ILKAP: variants seen among roughly 807,000 people sequenced by gnomAD.
ILKAP encodes the protein integrin-linked kinase-associated serine/threonine phosphatase 2C.
In ILKAP, 11 loss-of-function variants were observed where a neutral mutation model predicts 49.1. That is an observed-to-expected ratio of 0.22 (90% CI 0.14 to 0.37). The LOEUF (loss-of-function observed/expected upper bound fraction) is 0.37. ILKAP is among the 10% of genes least tolerant of loss of function. ILKAP has a pLI of 1.00. For missense variants in ILKAP, 363 were observed against 510.8 expected, an observed-to-expected ratio of 0.71 and a Z score of 2.79; for synonymous variants, 186 against 192.8, an observed-to-expected ratio of 0.96 and a Z score of 0.29.
chr2:238,172,967 G>A (rs1574777255), intron 10 of ILKAP, among the ~76,000 whole-genome samples: 1 of 152,170 alleles, frequency 6.6e-6, no homozygotes, highest in Non-Finnish European at 1.5e-5. Context: ...CAGCCAGCAC[G>A]GTGCCGTACC....
At chr2:238,194,964 C>A in intron 1 of ILKAP, 94 bp from the exon 2 acceptor site, 2 of 940,570 alleles carry the variant, frequency 2.1e-6, no homozygotes, top group South Asian at 1.5e-5. Context: ...TGCTTTGACA[C>A]AAGTTTGCTA....
rs1693722893 is a variant in ILKAP, at chr2:238,182,196, T to C, written c.715-10A>G. ...AACGACACAAGATTGCCTGGGAAGA[T>C]GGAGATTGTAATAGTCATGAAATTC... On this transcript the variant is annotated splice_polypyrimidine_tract_variant and intron_variant, in intron 8 of 11. Coordinates refer to ENST00000254654, the MANE Select transcript of ILKAP (RefSeq NM_030768.3). 5 of 1,612,846 alleles carry C rather than the reference T, an allele frequency of 3.1e-6. No individual in the cohort carries two copies. The highest frequency in any genetic ancestry group is 2.7e-5 in the African/African-American group (2 of 74,874).
At chr2:238,180,998 A>G (rs1261623039) in intron 9 of ILKAP, among the ~76,000 whole-genome samples, 1 of 152,244 alleles carries the variant, frequency 6.6e-6, no homozygotes, top group Non-Finnish European at 1.5e-5. Context: ...GCACTGCTTG[A>G]GGCCTGAAAC....
intron 9 of ILKAP, among the ~76,000 whole-genome samples, chr2:238,180,184 G>GAAAGAA (rs71043111): frequency 0.16 from 23,481 of 150,008 alleles, 2,193 homozygotes; most frequent in East Asian, 0.35. Context: ...AAAAAAGAAA[G>GAAAGAA]AAAGAAAAAG....
Position 238,194,293 on chromosome 2 carries a change from C to T in ILKAP, c.160G>A (p.Ala54Thr), listed in dbSNP as rs749799391. The T allele has an allele frequency of 6.8e-6, 11 of 1,613,850 alleles. No individual in the cohort carries two copies. Among genetic ancestry groups the T allele is most frequent in the African/African-American group, 1.3e-5 (1 of 74,900 alleles). Residue 54 changes from alanine (A) to threonine (T), a missense_variant, in exon 3 of 12, where the codon GCT becomes ACT. Physicochemically the swap from Ala to Thr is moderately conservative, Grantham distance 58 (BLOSUM62 0). This residue lies in a region of ILKAP where 114 missense variants were observed against 116.0 expected (regional missense o/e 0.98). Coordinates refer to ENST00000254654, the MANE Select transcript of ILKAP (RefSeq NM_030768.3). ...CACTTACCTGAATCGCCACTGCTAGCGGGTGGGAGATCATCAAAAAGCAAA... is the reference window on the plus strand; with the variant it reads ...CACTTACCTGAATCGCCACTGCTAGTGGGTGGGAGATCATCAAAAAGCAAA... ...GPLLFDDLPPASSGDSGSLAT... is the reference protein window; with the variant it reads ...GPLLFDDLPPTSSGDSGSLAT...
At chr2:238,175,047 A>G (rs1344051708) in intron 9 of ILKAP, among the ~76,000 whole-genome samples, 2 of 152,236 alleles carry the variant, frequency 1.3e-5, no homozygotes, top group Admixed American at 1.3e-4. Flanking sequence ...AACACAGTAC[A>G]GACAATGTGA....
Position 238,198,237 on chromosome 2 carries a change from AT to A in ILKAP, c.56-3368del, listed in dbSNP as rs914367045. 4.6e-3 allele frequency among the ~76,000 whole-genome samples: 670 copies of A among 146,858 alleles called. 10 individuals are homozygous for A. The highest frequency in any genetic ancestry group is 0.013 in the African/African-American group (538 of 40,286). On this transcript the variant is annotated intron_variant, in intron 1 of 11. Transcript: ENST00000254654. ...AACTACTGATTAGTCAAAACCTTAG[AT>A]TTTTTTTTTTTTAAATTGAGACAAG...
At chr2:238,174,463 A>C (rs996669675) in intron 9 of ILKAP, among the ~76,000 whole-genome samples, 1 of 152,188 alleles carries the variant, frequency 6.6e-6, no homozygotes, top group Non-Finnish European at 1.5e-5. Context: ...CGTGTGAGAG[A>C]GCACTCCGCA....
chr2:238,199,142 A>G (rs11692757), intron 1 of ILKAP, among the ~76,000 whole-genome samples: 115,738 of 152,056 alleles, frequency 0.76, 44,160 homozygotes, highest in Middle Eastern at 0.87. Context: ...CAACACACCC[A>G]AGTCTAATTC....
chr2:238,191,943 C>T (rs34700572), intron 3 of ILKAP, among the ~76,000 whole-genome samples: 2 of 150,172 alleles, frequency 1.3e-5, no homozygotes, highest in Non-Finnish European at 3.0e-5. Context: ...CCAGGCGCAG[C>T]GGCTCATGCC....
At chr2:238,189,210 C>T (rs200375713) in intron 4 of ILKAP, among the ~76,000 whole-genome samples, 17 of 151,948 alleles carry the variant, frequency 1.1e-4, no homozygotes, top group Non-Finnish European at 1.9e-4. Flanking sequence ...CCCAGCTACT[C>T]GGGAGGCTGA....
rs766328034 is a variant in ILKAP at position 238,173,662 on chromosome 2, A to G, written c.837-9T>C. 2 of 1,612,884 alleles carry G rather than the reference A, an allele frequency of 1.2e-6. No individual in the cohort carries two copies. Among genetic ancestry groups the G allele is most frequent in the East Asian group, 4.5e-5 (2 of 44,866 alleles). ...CCAAAACACGCCCATCCCTAAAATG[A>G]GAGGAAAAACATTTCAGACTCTACC... On this transcript the variant is annotated splice_polypyrimidine_tract_variant and intron_variant, in intron 9 of 11. Transcript: ENST00000254654.
chr2:238,197,462 G>A (rs1394401420), intron 1 of ILKAP, among the ~76,000 whole-genome samples: 4 of 152,114 alleles, frequency 2.6e-5, no homozygotes, highest in African/African-American at 4.8e-5. Context: ...CAACCCTTCC[G>A]CTTGTACCAG....
rs547814132 is a variant in ILKAP, at chr2:238,171,775, C to CT, written c.957-752dup. ...ACATCCTTGGGCACACACTGCACAG[C>CT]TTGGGGCTGCATCCAAGACCGAGGC... On this transcript the variant is annotated intron_variant, in intron 10 of 11. Coordinates refer to ENST00000254654, the MANE Select transcript of ILKAP (RefSeq NM_030768.3). Among the ~76,000 whole-genome samples, 10 of 152,258 alleles carry CT rather than the reference C, an allele frequency of 6.6e-5. No individual in the cohort carries two copies. The East Asian group carries it at 1.7e-3, about 26-fold the overall frequency.
At chr2:238,191,789 C>T (rs949212589) in intron 3 of ILKAP, among the ~76,000 whole-genome samples, 100 of 152,062 alleles carry the variant, frequency 6.6e-4, no homozygotes, top group African/African-American at 2.2e-3. Flanking sequence ...CCTGTAATCC[C>T]AGCTACTCGG....
At chr2:238,192,482 G>A (rs1361044613) in intron 3 of ILKAP, among the ~76,000 whole-genome samples, 5 of 151,710 alleles carry the variant, frequency 3.3e-5, no homozygotes, top group South Asian at 2.1e-4. Flanking sequence ...GGCGGATCAC[G>A]AAGTCAGGAG....
intron 1 of ILKAP, among the ~76,000 whole-genome samples, chr2:238,197,137 G>C (rs752655513): frequency 1.3e-5 from 2 of 152,162 alleles, no homozygotes. Context: ...CGGAGGTTGC[G>C]GTGAGCTGAG....
intron 1 of ILKAP, among the ~76,000 whole-genome samples, chr2:238,199,197 A>T (rs1694469489): frequency 1.3e-5 from 2 of 152,218 alleles, no homozygotes; most frequent in Non-Finnish European, 2.9e-5. Flanking sequence ...CACTCATTCG[A>T]CCAGATCCTT....
chr2:238,203,626 G>C lies in ILKAP; in HGVS notation c.-73C>G, dbSNP rs1379853893. On this transcript the variant is annotated 5_prime_UTR_variant, in exon 1 of 12. Coordinates refer to ENST00000254654, the MANE Select transcript of ILKAP (RefSeq NM_030768.3). ...GAGCAGCGGCCGGGCTCCACACCCCGGGCGGGCGGCAGCAGCGGGCGGGCG... is the reference window on the plus strand; with the variant it reads ...GAGCAGCGGCCGGGCTCCACACCCCCGGCGGGCGGCAGCAGCGGGCGGGCG... 6 of 967,694 alleles carry C rather than the reference G, an allele frequency of 6.2e-6. No individual in the cohort carries two copies. The highest frequency in any genetic ancestry group is 6.4e-6 in the Non-Finnish European group (5 of 776,050). 59.9% of individuals were successfully genotyped at this position (967,694 alleles called of 1,614,324 possible). A position where few individuals can be genotyped will look rare whatever the true frequency, so the allele number is the denominator to read the frequency against.
Sources: gnomAD v4.1 joint callset for allele counts (sites outside exome capture counted in the v4.1 genomes callset) on GRCh38, gnomAD v4.1.1 for gene constraint, gnomAD v4.1.1 regional missense constraint, MANE v1.5 for transcripts, NCBI Gene and HGNC (gene_info 2026-07-23, HGNC 2026-07-21) for gene names.